The following MCC variants were observed in gnomAD, a reference collection of about 807,000 sequenced individuals.
MCC encodes colorectal mutant cancer protein.
Under a neutral mutation model 116.2 loss-of-function variants are expected in MCC, and 90 were observed. The observed-to-expected ratio is 0.77, with a 90% CI of 0.65 to 0.92. The LOEUF (loss-of-function observed/expected upper bound fraction) is 0.92, where lower values mean the gene tolerates loss of function less well. Ranked by LOEUF, MCC falls within the 40% of genes least tolerant of loss-of-function variation. The pLI is 0.00. For synonymous variants in MCC, 578 were observed against 510.5 expected, an observed-to-expected ratio of 1.13 and a Z score of -1.78; for missense variants, 1,516 against 1,312.2, an observed-to-expected ratio of 1.16 and a Z score of -2.40.
At chr5:113,192,118 T>G (rs1471708657) in intron 3 of MCC, among the ~76,000 whole-genome samples, 1 of 152,176 alleles carries the variant, frequency 6.6e-6, no homozygotes, top group Non-Finnish European at 1.5e-5. Flanking sequence ...CTCATTCCAG[T>G]GTGCTGGGGC....
At chr5:113,455,591 G>T (rs1346634016) in intron 1 of MCC, among the ~76,000 whole-genome samples, 1 of 152,154 alleles carries the variant, frequency 6.6e-6, no homozygotes, top group Non-Finnish European at 1.5e-5. Flanking sequence ...ATCTCTTGGG[G>T]ATATATATGT....
Position 113,110,853 on chromosome 5 carries a change from T to G in MCC, c.1028-6498A>C, listed in dbSNP as rs553423696. 2.1e-4 allele frequency among the ~76,000 whole-genome samples: 32 copies of G among 152,324 alleles called. 1 individual carries two copies. The highest frequency in any genetic ancestry group is 2.6e-4 in the Admixed American group (4 of 15,294). ...TTAACTGTCAACATTTTAAAAATTG[T>G]TAAAATTTATGGCTATCCTTGTAAA... On this transcript the variant is annotated intron_variant, in intron 6 of 18. Coordinates refer to ENST00000408903, the MANE Select transcript of MCC (RefSeq NM_001085377.2).
At chr5:113,057,711 GCA>G in intron 14 of MCC, among the ~76,000 whole-genome samples, 1 of 152,244 alleles carries the variant, frequency 6.6e-6, no homozygotes, top group South Asian at 2.1e-4. Flanking sequence ...CTGCTCAGCG[GCA>G]GGCATGCCTC....
At chr5:113,390,657 T>C (rs1561548537) in intron 1 of MCC, among the ~76,000 whole-genome samples, 1 of 152,176 alleles carries the variant, frequency 6.6e-6, no homozygotes, top group Non-Finnish European at 1.5e-5. Context: ...CTTGGGGATG[T>C]ATAATGGGAA....
intron 12 of MCC, among the ~76,000 whole-genome samples, chr5:113,069,971 T>C (rs545857983): frequency 6.6e-6 from 1 of 152,348 alleles, no homozygotes; most frequent in Non-Finnish European, 1.5e-5. Flanking sequence ...AGCTCCTCGT[T>C]TCAAAGGCAG....
chr5:113,210,768 G>T (rs1169302233), intron 3 of MCC, among the ~76,000 whole-genome samples: 1 of 152,072 alleles, frequency 6.6e-6, no homozygotes. Flanking sequence ...AAAGAGTGTT[G>T]CATAGGCAAC....
In MCC at chr5:113,405,453, A is replaced by G. The variant is rs370390084; in HGVS notation, c.171-20241T>C. On this transcript the variant is annotated intron_variant, in intron 1 of 18. Transcript: ENST00000408903. The stretch of plus-strand genomic sequence containing the variant: ...ATTTTGTAAAGATAAAAAAGGTATT[A>G]AAATCTGCCAGGCAAGGTGGTTTGG... 7.0e-4 allele frequency among the ~76,000 whole-genome samples: 106 copies of G among 152,344 alleles called. 2 individuals are homozygous for G. In the South Asian group the frequency reaches 0.022, roughly 32 times the overall value.
At chr5:113,369,097 ACT>A (rs1768773778) in intron 2 of MCC, among the ~76,000 whole-genome samples, 1 of 150,918 alleles carries the variant, frequency 6.6e-6, no homozygotes, top group South Asian at 2.1e-4. Flanking sequence ...CTATCCAGAA[ACT>A]CTCTGAATCC....
At chr5:113,098,264 C>G (rs1030083179) in intron 8 of MCC, among the ~76,000 whole-genome samples, 5 of 152,134 alleles carry the variant, frequency 3.3e-5, no homozygotes, top group African/African-American at 9.7e-5. Flanking sequence ...TGCCATCACA[C>G]GACTCTCTGG....
At chr5:113,262,637 T>C (rs1335737960) in intron 3 of MCC, among the ~76,000 whole-genome samples, 1 of 152,208 alleles carries the variant, frequency 6.6e-6, no homozygotes, top group Non-Finnish European at 1.5e-5. Flanking sequence ...AAAGATAAAG[T>C]AACTAGTCCC....
intron 5 of MCC, among the ~76,000 whole-genome samples, chr5:113,138,327 T>C (rs1346843511): frequency 1.3e-5 from 2 of 152,214 alleles, no homozygotes; most frequent in East Asian, 3.8e-4. Context: ...AAAATTCTTA[T>C]GTTGAAGCCT....
rs2150204901 is a variant in MCC at position 113,027,491 on chromosome 5, G to C, written c.2880-9C>G. ...AGGCAGCCACCAGGTTGCTAGGTGG[G>C]AATGAAGGGAAATTGGTATTAAGAT... is the stretch of plus-strand genomic sequence containing the variant. On this transcript the variant is annotated splice_polypyrimidine_tract_variant and intron_variant, in intron 18 of 18. Transcript: ENST00000408903. 6.2e-7 allele frequency: 1 copy of C among 1,613,746 alleles called. No individual in the cohort carries two copies. Among genetic ancestry groups the C allele is most frequent in the Non-Finnish European group, 8.5e-7 (1 of 1,179,800 alleles).
intron 6 of MCC, among the ~76,000 whole-genome samples, chr5:113,119,964 C>T (rs1344466470): frequency 6.6e-6 from 1 of 152,190 alleles, no homozygotes; most frequent in Non-Finnish European, 1.5e-5. Flanking sequence ...TCCAAGAAGC[C>T]CCACAGGAAA....
intron 2 of MCC, among the ~76,000 whole-genome samples, chr5:113,377,171 G>T (rs192192268): frequency 6.6e-6 from 1 of 152,304 alleles, no homozygotes; most frequent in East Asian, 1.9e-4. Flanking sequence ...GGTCACATTT[G>T]CATTCTCTCT....
At chr5:113,403,218 C>T (rs1212120732) in intron 1 of MCC, among the ~76,000 whole-genome samples, 1 of 152,000 alleles carries the variant, frequency 6.6e-6, no homozygotes, top group Non-Finnish European at 1.5e-5. Flanking sequence ...AGCAACAATG[C>T]CAGTATTAGC....
At chr5:113,325,731 C>T (rs1294315916) in intron 3 of MCC, among the ~76,000 whole-genome samples, 1 of 151,976 alleles carries the variant, frequency 6.6e-6, no homozygotes, top group Admixed American at 6.6e-5. Context: ...GAACATAAAC[C>T]TATATTTTCC....
chr5:113,044,016 C>T (rs1336656150), intron 16 of MCC, among the ~76,000 whole-genome samples: 1 of 152,206 alleles, frequency 6.6e-6, no homozygotes, highest in East Asian at 1.9e-4. Flanking sequence ...GTTATGCGGC[C>T]CAGTCACCAG....
chr5:113,138,221 G>A (rs896326759), intron 5 of MCC, among the ~76,000 whole-genome samples: 1 of 151,998 alleles, frequency 6.6e-6, no homozygotes, highest in Admixed American at 6.5e-5. Context: ...GTGTTGGCTA[G>A]GCTGATCTCA....
intron 11 of MCC, among the ~76,000 whole-genome samples, chr5:113,073,904 C>T (rs927936549): frequency 1.3e-5 from 2 of 152,340 alleles, no homozygotes; most frequent in Non-Finnish European, 2.9e-5. Flanking sequence ...GTGGAGCCCA[C>T]CGCAGTTCAA....
Sources: gnomAD v4.1 joint callset for allele counts (sites outside exome capture counted in the v4.1 genomes callset) on GRCh38, gnomAD v4.1.1 for gene constraint, MANE v1.5 for transcripts, NCBI Gene and HGNC (gene_info 2026-07-23, HGNC 2026-07-21) for gene names.